Variants in MTMR9 observed in about 807,000 individuals in gnomAD.
The protein encoded by MTMR9 is myotubularin related protein 9.
Under a neutral mutation model 69.5 loss-of-function variants are expected in MTMR9, and 39 were observed. The ratio of observed to expected loss-of-function variants is 0.56; its 90% CI spans 0.43 to 0.73. The LOEUF is 0.73. Among genes scored for constraint, MTMR9 ranks in the 30% least tolerant of loss-of-function variants. The pLI is 0.00. For missense variants in MTMR9, 900 were observed against 671.2 expected (o/e 1.34, Z -3.77); for synonymous variants, 354 against 240.8 (o/e 1.47, Z -4.35).
intron 6 of MTMR9, among the ~76,000 whole-genome samples, chr8:11,311,237 G>A (rs1224067842): frequency 6.6e-6 from 1 of 152,166 alleles, no homozygotes; most frequent in South Asian, 2.1e-4. Flanking sequence ...CAGGGAATCT[G>A]TTACTTTTAA....
chr8:11,297,871 A>T (rs1219188963), intron 2 of MTMR9: 2 of 456,258 alleles, frequency 4.4e-6, no homozygotes, highest in Admixed American at 2.3e-5. Context: ...AACATAGTGA[A>T]CCTGTCCTCT....
intron 1 of MTMR9, among the ~76,000 whole-genome samples, chr8:11,291,246 G>A (rs149061329): frequency 6.6e-6 from 1 of 152,188 alleles, no homozygotes; most frequent in African/African-American, 2.4e-5. Context: ...TATTTATTCA[G>A]ATCTTCCTTT....
At chr8:11,300,000 C>G in intron 2 of MTMR9, 23 bp from the exon 3 acceptor site, 1 of 1,595,884 alleles carries the variant, frequency 6.3e-7, no homozygotes, top group African/African-American at 1.4e-5. Flanking sequence ...TCTTTTTTGT[C>G]TTTCTTTTCT....
At chr8:11,286,666 CAAAA>C (rs869105936) in intron 1 of MTMR9, among the ~76,000 whole-genome samples, 29 of 71,654 alleles carry the variant, frequency 4.0e-4, no homozygotes, top group African/African-American at 9.6e-4. Context: ...AACTCCATCT[CAAAA>C]AAAAAAAAAA....
chr8:11,306,546 A>T (rs1039432726), intron 5 of MTMR9, 139 bp downstream of exon 5: 16 of 721,682 alleles, frequency 2.2e-5, no homozygotes, highest in African/African-American at 1.4e-4. Flanking sequence ...CCATCTTCTC[A>T]TTTTTTTTTG....
At chr8:11,330,779 C>T (rs1170730361), downstream of MTMR9, 30 of 428,110 alleles carry the variant, frequency 7.0e-5, no homozygotes, top group South Asian at 2.4e-4. Flanking sequence ...ACAAACACTG[C>T]GGAAGGCCGC....
At chr8:11,291,422 T>A (rs960411276) in intron 1 of MTMR9, among the ~76,000 whole-genome samples, 1 of 152,084 alleles carries the variant, frequency 6.6e-6, no homozygotes, top group Non-Finnish European at 1.5e-5. Flanking sequence ...AATGCTGTGA[T>A]AGGGATGTAT....
Position 11,321,909 on chromosome 8 carries a change from C to G in MTMR9, c.1487-716C>G, listed in dbSNP as rs1008294759. Among the ~76,000 whole-genome samples, 3 of 152,118 alleles carry G rather than the reference C, an allele frequency of 2.0e-5. No individual in the cohort carries two copies. The South Asian group carries it at 6.2e-4, about 32-fold the overall frequency. On this transcript the variant is annotated intron_variant, in intron 9 of 9. Coordinates refer to ENST00000221086, the MANE Select transcript of MTMR9 (RefSeq NM_015458.4). ...CATAAAACCTTTGTGAACTTGCCAT[C>G]CACTGACATGGTGCAGCCTGGAAGA...
chr8:11,309,606 A>G lies in MTMR9; in HGVS notation c.889A>G (p.Ser297Gly). 1.2e-6 allele frequency: 2 copies of G among 1,613,976 alleles called. No individual in the cohort carries two copies. Among genetic ancestry groups the G allele is most frequent in the Non-Finnish European group, 1.7e-6 (2 of 1,179,890 alleles). ...AACACATAACATGGACCGATGGCTCAGTAAATTGGAGGCCTCTAACTGGCT... is the reference window on the plus strand; with the variant it reads ...AACACATAACATGGACCGATGGCTCGGTAAATTGGAGGCCTCTAACTGGCT... ...DQTHNMDRWL[S>G]KLEASNWLTH... Residue 297 changes from serine to glycine, a missense_variant, in exon 6 of 10, where the codon AGT becomes GGT. Coordinates refer to ENST00000221086, the MANE Select transcript of MTMR9 (RefSeq NM_015458.4).
At chr8:11,303,479 T>TTTTTTTAA (rs1799826045) in intron 3 of MTMR9, among the ~76,000 whole-genome samples, 1 of 152,066 alleles carries the variant, frequency 6.6e-6, no homozygotes, top group African/African-American at 2.4e-5. Context: ...AAGGAACAGA[T>TTTTTTTAA]AACTACATTT....
At chr8:11,331,741 C>A, downstream of MTMR9, 1 of 1,611,958 alleles carries the variant, frequency 6.2e-7, no homozygotes. Context: ...GTCTATCGTT[C>A]TCTGCACTTT....
chr8:11,291,396 TTAATA>T (rs1380540535), intron 1 of MTMR9, among the ~76,000 whole-genome samples: 2 of 152,060 alleles, frequency 1.3e-5, no homozygotes, highest in Non-Finnish European at 2.9e-5. Context: ...ACTAGAAAGT[TTAATA>T]AAGTATTTTA....
chr8:11,334,956 C>G, the MTMR9 span, among the ~76,000 whole-genome samples: 5 of 152,168 alleles, frequency 3.3e-5, no homozygotes, highest in African/African-American at 9.7e-5. Flanking sequence ...CAAAGAACAT[C>G]TTAAAAAAAT....
chr8:11,308,641 G>A (rs1444669090), intron 5 of MTMR9, among the ~76,000 whole-genome samples: 1 of 152,110 alleles, frequency 6.6e-6, no homozygotes, highest in Admixed American at 6.5e-5. Context: ...ATGTGTAATT[G>A]TTCACAGTAG....
At chr8:11,303,112 C>A (rs1438014605) in intron 3 of MTMR9, among the ~76,000 whole-genome samples, 1 of 149,932 alleles carries the variant, frequency 6.7e-6, no homozygotes. Context: ...ATAAAAGTTG[C>A]ATGGAAGACC....
chr8:11,316,994 A>T, intron 8 of MTMR9, 101 bp downstream of exon 8: 1 of 651,316 alleles, frequency 1.5e-6, no homozygotes, highest in Non-Finnish European at 2.5e-6. Flanking sequence ...GATCTATATT[A>T]AAATTATTTA....
intron 5 of MTMR9, among the ~76,000 whole-genome samples, chr8:11,307,685 T>C (rs909091746): frequency 1.3e-5 from 2 of 152,348 alleles, no homozygotes; most frequent in African/African-American, 4.8e-5. Context: ...GGGTTCCCTT[T>C]TGTCCATATT....
At chr8:11,307,742 A>C (rs1563277173) in intron 5 of MTMR9, among the ~76,000 whole-genome samples, 1 of 152,216 alleles carries the variant, frequency 6.6e-6, no homozygotes, top group Non-Finnish European at 1.5e-5. Flanking sequence ...TAGCCATTCT[A>C]ACAGGGGTGA....
intron 9 of MTMR9, 144 bp from the exon 10 acceptor site, chr8:11,322,481 G>C (rs1800738719): frequency 1.6e-6 from 1 of 608,980 alleles, no homozygotes; most frequent in Non-Finnish European, 2.8e-6. Context: ...GTATATTTTA[G>C]AGTATAATAA....
Sources: allele counts gnomAD v4.1 joint callset (sites outside exome capture counted in the v4.1 genomes callset), GRCh38; gene constraint gnomAD v4.1.1; transcripts MANE v1.5; gene names NCBI Gene and HGNC (gene_info 2026-07-23, HGNC 2026-07-21).